SPTBN4: variants seen among roughly 807,000 people sequenced by gnomAD.
SPTBN4 encodes the protein spectrin beta chain, non-erythrocytic 4.
Under a neutral mutation model 277.8 loss-of-function variants are expected in SPTBN4, and 96 were observed. The observed-to-expected ratio is 0.35, with a 90% confidence interval of 0.29 to 0.41. SPTBN4 has a LOEUF of 0.41. SPTBN4 is among the 10% of genes least tolerant of loss of function. The probability of loss-of-function intolerance (pLI) is 1.00; values close to 1 mark genes in which losing one functional copy is unlikely to be tolerated. For missense variants in SPTBN4, 3,006 were observed against 3,595.7 expected (o/e 0.84, Z 4.19); for synonymous variants, 1,481 against 1,580.3 (o/e 0.94, Z 1.49).
intron 18 of SPTBN4, among the ~76,000 whole-genome samples, chr19:40,529,415 T>G (rs2080636467): frequency 1.3e-5 from 2 of 152,194 alleles, no homozygotes; most frequent in African/African-American, 4.8e-5. Flanking sequence ...TGATCTCACC[T>G]TTCTCTCCTG....
In SPTBN4 at chr19:40,492,499, T is replaced by C. The variant is rs73561723; in HGVS notation, c.496-464T>C. On this transcript the variant is annotated intron_variant, in intron 4 of 35. Coordinates refer to ENST00000598249, the MANE Select transcript of SPTBN4 (RefSeq NM_020971.3). Reference sequence around the variant, plus strand: ...AGCTGTTGAAGATGAGGTCATCAACTTACTGATGGGAGATCATGGGAACTT... The same window carrying C: ...AGCTGTTGAAGATGAGGTCATCAACCTACTGATGGGAGATCATGGGAACTT... 1.8e-3 allele frequency among the ~76,000 whole-genome samples: 267 copies of C among 152,196 alleles called. 2 individuals are homozygous for C. The highest frequency in any genetic ancestry group is 6.2e-3 in the African/African-American group (259 of 41,526).
Position 40,519,574 on chromosome 19 carries a change from G to T in SPTBN4, c.3077G>T (p.Gly1026Val). ...GGCGCCCTGCAGTGGCGTCTTAGCG[G>T]CCTAGAGGCCGCTCTGCAGGCGCTG... ...AGGALQWRLS[G>V]LEAALQALEP... The change falls in exon 16 of 36, where the codon GGC (glycine) becomes GTC (valine). Residue 1026 changes from glycine to valine, a missense_variant. Gly to Val is a moderately radical substitution (Grantham distance 109). This residue lies in a region of SPTBN4 where 1,759 missense variants were observed against 2,061.5 expected (regional missense o/e 0.85). Transcript: ENST00000598249. This position sits in a 1 kb window ranked among gnomAD's most constrained non-coding sequence, Gnocchi z 5.7. 1 of 1,511,756 alleles carries T rather than the reference G, an allele frequency of 6.6e-7. No homozygotes were observed. 93.6% of individuals were successfully genotyped at this position (1,511,756 alleles called of 1,614,324 possible).
chr19:40,572,209 G>T lies in SPTBN4; in HGVS notation c.7493+17G>T, dbSNP rs1311814132. 4.4e-6 allele frequency: 7 copies of T among 1,594,004 alleles called. No individual in the cohort carries two copies. In the East Asian group the frequency reaches 1.6e-4, roughly 36 times the overall value. On this transcript the variant is annotated intron_variant, in intron 34 of 35. Coordinates refer to ENST00000598249, the MANE Select transcript of SPTBN4 (RefSeq NM_020971.3). ...CAAGCTCCAGTGAGCCCCCCAATGG[G>T]CAGGAGGGAGGGATCCAAGGCTCAG...
Position 40,519,845 on chromosome 19 carries a change from G to T in SPTBN4, c.3348G>T (p.Gly1116=). The T allele has an allele frequency of 1.4e-6, 2 of 1,444,816 alleles. No homozygotes were observed. The highest frequency in any genetic ancestry group is 1.9e-4 in the Middle Eastern group (1 of 5,284). 89.5% of individuals were successfully genotyped at this position (1,444,816 alleles called of 1,614,324 possible). A position where few individuals can be genotyped will look rare whatever the true frequency, so the allele number is the denominator to read the frequency against. ...AGGAGGCGGCGGGCGGCAGCGAGGG[G>T]CCCCTGCCCAACAGCCTAGAAGAGG... ...RAQEAAGGSE[G]PLPNSLEEAD... The change falls in exon 16 of 36, where the codon GGG becomes GGT. Residue 1116 remains glycine (G), a synonymous_variant. Coordinates refer to ENST00000598249, the MANE Select transcript of SPTBN4 (RefSeq NM_020971.3). This position sits in a 1 kb window ranked among gnomAD's most constrained non-coding sequence, Gnocchi z 5.7.
rs755881262 is a variant in SPTBN4, at chr19:40,501,958, C to T, written c.822C>T (p.Ile274=). ...AGGCTCCAGATGAGAAGTCCATCAT[C>T]ACCTACGTGGTCTCTTTCTACCACT... The part of the protein sequence containing the change: ...NMEAPDEKSI[I]TYVVSFYHYF... Residue 274 remains isoleucine, a synonymous_variant, in exon 8 of 36, where the codon ATC becomes ATT. Transcript: ENST00000598249. 1.2e-6 allele frequency: 2 copies of T among 1,614,212 alleles called. No homozygotes were observed. Among genetic ancestry groups the T allele is most frequent in the South Asian group, 1.1e-5 (1 of 91,088 alleles).
chr19:40,549,303 G>A lies in SPTBN4; in HGVS notation c.4474G>A (p.Ala1492Thr). Residue 1492 changes from alanine (A) to threonine (T), a missense_variant, in exon 21 of 36, where the codon GCG becomes ACG. Physicochemically the swap from Ala to Thr is moderately conservative, Grantham distance 58 (BLOSUM62 0). This residue lies in a region of SPTBN4 where 1,759 missense variants were observed against 2,061.5 expected (regional missense o/e 0.85). Coordinates refer to ENST00000598249, the MANE Select transcript of SPTBN4 (RefSeq NM_020971.3). ...GGAGCTGGTGGGTGAGCGGCAGAAC[G>A]CGGTGGGCGAGCGCCTGGTGCGCCT... is the stretch of plus-strand genomic sequence containing the variant. ...SKELVGERQN[A>T]VGERLVRLLE... The A allele has an allele frequency of 1.3e-6, 2 of 1,541,730 alleles. No homozygotes were observed.
chr19:40,504,231 G>C, intron 12 of SPTBN4, 99 bp downstream of exon 12: 4 of 1,255,492 alleles, frequency 3.2e-6, no homozygotes, highest in Non-Finnish European at 4.4e-6. Context: ...GGAGAGGGAA[G>C]GGCAGAGATA....
chr19:40,531,686 T>A (rs2080676678), intron 18 of SPTBN4, among the ~76,000 whole-genome samples: 1 of 151,322 alleles, frequency 6.6e-6, no homozygotes, highest in African/African-American at 2.4e-5. Context: ...TCTAGTGCCG[T>A]GAGAGGGGCC....
rs777247066 is a variant in SPTBN4, at chr19:40,572,319, C to T, written c.7494-19C>T. 1.2e-6 allele frequency: 2 copies of T among 1,613,922 alleles called. No homozygotes were observed. Among genetic ancestry groups the T allele is most frequent in the South Asian group, 1.1e-5 (1 of 91,056 alleles). Reference sequence around the variant, plus strand: ...GGCCCCTTCCCCAGATCTCTGAAGTCCTGTGTCCCTTCCTGCAGGACCCAG... The same window carrying T: ...GGCCCCTTCCCCAGATCTCTGAAGTTCTGTGTCCCTTCCTGCAGGACCCAG... On this transcript the variant is annotated intron_variant, in intron 34 of 35. Transcript: ENST00000598249.
At chr19:40,487,009 TAGG>T (rs886119882) in intron 2 of SPTBN4, among the ~76,000 whole-genome samples, 10 of 150,520 alleles carry the variant, frequency 6.6e-5, no homozygotes, top group Admixed American at 2.0e-4. Flanking sequence ...GCGTCACAGG[TAGG>T]AGGAGACATG....
chr19:40,526,372 A>G (rs961394766), intron 17 of SPTBN4, among the ~76,000 whole-genome samples: 10 of 151,882 alleles, frequency 6.6e-5, no homozygotes, highest in African/African-American at 2.4e-4. Context: ...GGGTTTTGCC[A>G]TGTTGGCCAG....
chr19:40,526,435 G>A (rs572129187), intron 17 of SPTBN4, among the ~76,000 whole-genome samples: 1 of 152,228 alleles, frequency 6.6e-6, no homozygotes, highest in South Asian at 2.1e-4. Context: ...GCTCCCCAAA[G>A]TGCTGGGATT....
In SPTBN4 at chr19:40,570,628, T is replaced by C. The variant is rs2081145903; in HGVS notation, c.7219T>C (p.Ser2407Pro). 1.3e-5 allele frequency: 19 copies of C among 1,485,908 alleles called. No homozygotes were observed. The highest frequency in any genetic ancestry group is 1.7e-5 in the Non-Finnish European group (19 of 1,118,436). 92.0% of individuals were successfully genotyped at this position (1,485,908 alleles called of 1,614,324 possible). The change falls in exon 33 of 36, where the codon TCC (serine) becomes CCC (proline). Residue 2407 changes from serine to proline, a missense_variant. Physicochemically the swap from Ser to Pro is moderately conservative, Grantham distance 74. This residue lies in a region of SPTBN4 where 630 missense variants were observed against 677.6 expected (regional missense o/e 0.93). Coordinates refer to ENST00000598249, the MANE Select transcript of SPTBN4 (RefSeq NM_020971.3). ...RSRSAPAQGGSAPAPPPPPTH... is the reference protein window; with the variant it reads ...RSRSAPAQGGPAPAPPPPPTH... ...GCGCTCCGCCCCGGCCCAGGGCGGC[T>C]CCGCCCCCGCGCCTCCGCCACCGCC...
At chr19:40,531,476 T>G (rs977162387) in intron 18 of SPTBN4, among the ~76,000 whole-genome samples, 29 of 86,278 alleles carry the variant, frequency 3.4e-4, no homozygotes, top group African/African-American at 1.1e-3. Context: ...TTTTTTTTTT[T>G]TTTTTTTTTT....
At chr19:40,486,282 C>T (rs963089767) in intron 2 of SPTBN4, among the ~76,000 whole-genome samples, 2 of 152,058 alleles carry the variant, frequency 1.3e-5, no homozygotes, top group African/African-American at 2.4e-5. Context: ...CGTAGTGAGA[C>T]CCCCGTCTCA....
At position 40,568,213 on chromosome 19, in the gene SPTBN4, G is replaced by C; in HGVS notation, c.6887G>C (p.Arg2296Pro). The C allele has an allele frequency of 6.2e-7, 1 of 1,601,902 alleles. No individual in the cohort carries two copies. The highest frequency in any genetic ancestry group is 8.5e-7 in the Non-Finnish European group (1 of 1,174,534). The change falls in exon 31 of 36, where the codon CGT becomes CCT. Residue 2296 changes from arginine (R) to proline (P), a missense_variant. By Grantham distance (103) the Arg-to-Pro change is moderately radical (BLOSUM62 -2). Coordinates refer to ENST00000598249, the MANE Select transcript of SPTBN4 (RefSeq NM_020971.3). ...YEQMERRRER[R>P]ERRLERQESS... ...CAGATGGAGCGGCGGCGCGAGCGGC[G>C]TGAGCGGCGCTTGGAGCGGCAGGAG...
chr19:40,511,168 G>C (rs753716575), intron 13 of SPTBN4, among the ~76,000 whole-genome samples: 47 of 152,214 alleles, frequency 3.1e-4, no homozygotes, highest in Non-Finnish European at 2.6e-4. Context: ...CATTTTAGGA[G>C]GCTGAGGGGG....
intron 20 of SPTBN4, among the ~76,000 whole-genome samples, chr19:40,547,077 T>C (rs1184511): frequency 0.61 from 92,158 of 151,990 alleles, 29,042 homozygotes; most frequent in African/African-American, 0.7. Context: ...ATGTGCACAA[T>C]GTGCAGGTTT....
In SPTBN4 at chr19:40,557,210, G is replaced by A. The variant is rs1225467627; in HGVS notation, c.5477G>A (p.Arg1826Gln). The change falls in exon 26 of 36, where the codon CGG (arginine) becomes CAG (glutamine). Residue 1826 changes from arginine (R) to glutamine (Q), a missense_variant. Physicochemically the swap from Arg to Gln is conservative, Grantham distance 43. Around this residue, in one of 5 missense-constraint regions of SPTBN4, gnomAD observed 425 missense variants for 594.7 expected, o/e 0.71. Transcript: ENST00000598249. ...WAELLELMGT[R>Q]AQLLAASREL... ...GAGCTGCTGGAGCTCATGGGCACAC[G>A]GGCCCAGCTGCTGGCCGCCTCTCGG... 3 of 1,610,758 alleles carry A rather than the reference G, an allele frequency of 1.9e-6. No homozygotes were observed. Among genetic ancestry groups the A allele is most frequent in the African/African-American group, 1.3e-5 (1 of 74,992 alleles).
Sources: gnomAD v4.1 joint callset for allele counts (sites outside exome capture counted in the v4.1 genomes callset) on GRCh38, gnomAD v4.1.1 for gene constraint, gnomAD v4.1.1 regional missense constraint, Gnocchi (gnomAD v3.1) non-coding constraint, MANE v1.5 for transcripts, NCBI Gene and HGNC (gene_info 2026-07-23, HGNC 2026-07-21) for gene names.